The following AKAP19 variants were observed in gnomAD, a reference collection of about 807,000 sequenced individuals.
AKAP19 encodes the protein small A-kinase anchoring protein.
At chr2:190,115,303 T>TATATATATA in the AKAP19 span, among the ~76,000 whole-genome samples, 1 of 5,420 alleles carries the variant, frequency 1.8e-4, no homozygotes, top group Non-Finnish European at 3.2e-4. Context: ...ATATATATAT[T>TATATATATA]TTTTTTTTTT....
the AKAP19 span, among the ~76,000 whole-genome samples, chr2:189,967,244 C>T: frequency 6.6e-6 from 1 of 152,168 alleles, no homozygotes; most frequent in East Asian, 1.9e-4. Context: ...AACCTGGGTT[C>T]CTGGATAGCA....
chr2:190,120,471 G>C, the AKAP19 span, among the ~76,000 whole-genome samples: 1 of 152,104 alleles, frequency 6.6e-6, no homozygotes, highest in Non-Finnish European at 1.5e-5. Context: ...AATTAATGCT[G>C]ATACAAACTT....
the AKAP19 span, among the ~76,000 whole-genome samples, chr2:190,055,277 A>T: frequency 1.4e-5 from 2 of 143,596 alleles, no homozygotes; most frequent in Non-Finnish European, 1.5e-5. Flanking sequence ...GGAATTGAAC[A>T]ATGAGAACAC....
chr2:189,976,413 C>T, the AKAP19 span, among the ~76,000 whole-genome samples: 3 of 152,112 alleles, frequency 2.0e-5, no homozygotes, highest in Admixed American at 1.3e-4. Context: ...CAATTAGGCT[C>T]TTCAGGGGTC....
the AKAP19 span, among the ~76,000 whole-genome samples, chr2:190,063,960 A>C: frequency 3.9e-5 from 6 of 151,964 alleles, no homozygotes; most frequent in Non-Finnish European, 8.8e-5. Flanking sequence ...TCTTTTTCCT[A>C]CTCCTTTTTG....
chr2:189,925,927 A>T, the AKAP19 span, among the ~76,000 whole-genome samples: 1 of 152,250 alleles, frequency 6.6e-6, no homozygotes, highest in South Asian at 2.1e-4. Context: ...ACTAAAAAGT[A>T]TTCATTGGAT....
At chr2:189,923,823 A>T in the AKAP19 span, 1 of 1,611,342 alleles carries the variant, frequency 6.2e-7, no homozygotes. Flanking sequence ...TTCAATTCTA[A>T]GAGTGGACAG....
At chr2:189,987,080 C>T in the AKAP19 span, among the ~76,000 whole-genome samples, 1 of 152,256 alleles carries the variant, frequency 6.6e-6, no homozygotes, top group African/African-American at 2.4e-5. Context: ...TTGGCTGTGT[C>T]CCCACCCAAA....
At chr2:189,987,445 A>G in the AKAP19 span, among the ~76,000 whole-genome samples, 5,219 of 152,276 alleles carry the variant, frequency 0.034, 285 homozygotes, top group African/African-American at 0.11. Context: ...TACACTGCCA[A>G]TGGGTCTATA....
chr2:190,079,862 T>TGTGC, the AKAP19 span: 2 of 93,312 alleles, frequency 2.1e-5, no homozygotes, highest in Non-Finnish European at 4.1e-5. Context: ...GAGGGGTGTG[T>TGTGC]GTGTGTGTGT....
At chr2:190,017,090 G>A in the AKAP19 span, among the ~76,000 whole-genome samples, 3 of 152,084 alleles carry the variant, frequency 2.0e-5, no homozygotes, top group Non-Finnish European at 2.9e-5. Context: ...TCTGGTATAA[G>A]TATGGCTACC....
At chr2:190,037,440 C>T in the AKAP19 span, among the ~76,000 whole-genome samples, 2 of 152,124 alleles carry the variant, frequency 1.3e-5, no homozygotes, top group African/African-American at 2.4e-5. Flanking sequence ...AGGAGATGTC[C>T]TTTTATTTGG....
chr2:190,070,734 A>G, the AKAP19 span, among the ~76,000 whole-genome samples: 2 of 152,038 alleles, frequency 1.3e-5, no homozygotes, highest in Non-Finnish European at 2.9e-5. Context: ...TAGATGACAC[A>G]TGAATTTAAG....
chr2:189,889,361 T>C, the AKAP19 span, among the ~76,000 whole-genome samples: 1 of 152,236 alleles, frequency 6.6e-6, no homozygotes, highest in African/African-American at 2.4e-5. Context: ...GATTTTCGCA[T>C]TGATGTTCAT....
At chr2:190,138,654 T>C in the AKAP19 span, among the ~76,000 whole-genome samples, 1 of 152,210 alleles carries the variant, frequency 6.6e-6, no homozygotes, top group Non-Finnish European at 1.5e-5. Flanking sequence ...GCCCTCAACC[T>C]TTTAACAGGG....
the AKAP19 span, among the ~76,000 whole-genome samples, chr2:189,893,475 G>A: frequency 6.6e-6 from 1 of 152,212 alleles, no homozygotes; most frequent in African/African-American, 2.4e-5. Context: ...AGGAGAGGGA[G>A]TCCCCTGACC....
chr2:190,042,129 T>G, the AKAP19 span, among the ~76,000 whole-genome samples: 18 of 152,324 alleles, frequency 1.2e-4, no homozygotes, highest in African/African-American at 3.6e-4. Flanking sequence ...AGAATTTGGC[T>G]GTGAATCCAT....
At chr2:189,980,640 T>G in the AKAP19 span, among the ~76,000 whole-genome samples, 1 of 152,186 alleles carries the variant, frequency 6.6e-6, no homozygotes, top group Non-Finnish European at 1.5e-5. Flanking sequence ...CAGCCCAAAT[T>G]TTCACTTATA....
At chr2:190,086,266 A>G in the AKAP19 span, among the ~76,000 whole-genome samples, 3 of 152,222 alleles carry the variant, frequency 2.0e-5, no homozygotes, top group Non-Finnish European at 4.4e-5. Flanking sequence ...AATATCACCA[A>G]TTGTTGCCTG....
Sources: gnomAD v4.1 joint callset for allele counts (sites outside exome capture counted in the v4.1 genomes callset) on GRCh38, gnomAD v4.1.1 for gene constraint, MANE v1.5 for transcripts, NCBI Gene and HGNC (gene_info 2026-07-23, HGNC 2026-07-21) for gene names.